SP140: variants seen among roughly 807,000 people sequenced by gnomAD.
SP140 encodes the protein SP140 nuclear body protein, also known as nuclear body protein SP140.
SP140 carries 81 observed loss-of-function variants against 125.0 expected under a neutral mutation model. That is an observed-to-expected ratio of 0.65 (90% CI 0.54 to 0.78). SP140 has a LOEUF of 0.78. Among genes scored for constraint, SP140 ranks in the 30% least tolerant of loss-of-function variants. The pLI, the probability that SP140 is intolerant of heterozygous loss-of-function variation, is 0.00. For missense variants in SP140, 858 were observed against 1,037.0 expected, an observed-to-expected ratio of 0.83 and a Z score of 2.37; for synonymous variants, 312 against 354.0, an observed-to-expected ratio of 0.88 and a Z score of 1.33.
In SP140 at chr2:230,284,856, A is replaced by G. The variant is rs184254265; in HGVS notation, c.1564+445A>G. Among the ~76,000 whole-genome samples, 280 of 152,338 alleles carry G rather than the reference A, an allele frequency of 1.8e-3. 1 individual carries two copies. Among genetic ancestry groups the G allele is most frequent in the Admixed American group, 5.2e-3 (79 of 15,296 alleles). ...CACATATGTAATTATTTATCTGTAC[A>G]TATAAAAAGACATAAATATAGAAAA... On this transcript the variant is annotated intron_variant, in intron 16 of 26. Transcript: ENST00000392045.
intron 15 of SP140, among the ~76,000 whole-genome samples, chr2:230,284,111 G>A (rs184331381): frequency 6.6e-6 from 1 of 152,206 alleles, no homozygotes; most frequent in East Asian, 1.9e-4. Context: ...TAAAAATTTT[G>A]TTCAAAGGAA....
intron 3 of SP140, among the ~76,000 whole-genome samples, chr2:230,240,380 C>T (rs62193141): frequency 0.094 from 14,277 of 152,034 alleles, 882 homozygotes; most frequent in Non-Finnish European, 0.12. Flanking sequence ...AAAAAACAAG[C>T]CATAGACTGG....
At chr2:230,209,737 T>A (rs1186025716) in intron 1 of SP140, among the ~76,000 whole-genome samples, 3 of 152,238 alleles carry the variant, frequency 2.0e-5, no homozygotes, top group Non-Finnish European at 4.4e-5. Context: ...TACCCCCAAA[T>A]GCCTTCTGGT....
At chr2:230,244,899 G>A in intron 5 of SP140, 89 bp from the exon 6 acceptor site, 1 of 883,384 alleles carries the variant, frequency 1.1e-6, no homozygotes, top group Non-Finnish European at 1.8e-6. Context: ...TTTTTTGCAA[G>A]GAGAAGCTCA....
intron 1 of SP140, chr2:230,207,940 C>G (rs779866381): frequency 1.1e-6 from 1 of 873,784 alleles, no homozygotes; most frequent in African/African-American, 1.7e-5. Flanking sequence ...ACCTACAAGC[C>G]CTGCATGAGC....
At chr2:230,262,735 G>A (rs1226135590) in intron 12 of SP140, among the ~76,000 whole-genome samples, 1 of 152,116 alleles carries the variant, frequency 6.6e-6, no homozygotes, top group East Asian at 1.9e-4. Flanking sequence ...TTCAGGAGCA[G>A]GTTATTTAAT....
intron 1 of SP140, chr2:230,213,162 A>T: frequency 1.2e-6 from 1 of 820,168 alleles, no homozygotes; most frequent in Admixed American, 2.0e-5. Flanking sequence ...CAGAGAACTG[A>T]TTCATTGTCA....
At chr2:230,189,360 T>C in the SP140 span, among the ~76,000 whole-genome samples, 1 of 152,144 alleles carries the variant, frequency 6.6e-6, no homozygotes, top group Non-Finnish European at 1.5e-5. Flanking sequence ...TGCTGTATCC[T>C]AGAAGTTTTG....
chr2:230,288,770 T>A (rs2056785215), intron 18 of SP140, among the ~76,000 whole-genome samples: 1 of 152,180 alleles, frequency 6.6e-6, no homozygotes, highest in Admixed American at 6.5e-5. Context: ...GTTTCCAGCT[T>A]CATCCATGTC....
chr2:230,244,901 A>T (rs549492890), intron 5 of SP140, 87 bp from the exon 6 acceptor site: 26 of 898,028 alleles, frequency 2.9e-5, no homozygotes, highest in Admixed American at 6.5e-5. Flanking sequence ...TTTTGCAAGG[A>T]GAAGCTCACT....
intron 9 of SP140, among the ~76,000 whole-genome samples, chr2:230,250,743 A>G (rs114589950): frequency 0.036 from 5,432 of 152,142 alleles, 123 homozygotes; most frequent in Middle Eastern, 0.075. Context: ...GGGGAGGGGG[A>G]GAAGGAGAGA....
At chr2:230,253,760 G>A (rs955862374) in intron 11 of SP140, among the ~76,000 whole-genome samples, 11 of 152,148 alleles carry the variant, frequency 7.2e-5, no homozygotes, top group Non-Finnish European at 1.0e-4. Context: ...ATTGAGGCAG[G>A]GAGATTGTTT....
At chr2:230,269,664 A>G (rs751714105) in intron 13 of SP140, 46 bp downstream of exon 13, 21 of 1,247,602 alleles carry the variant, frequency 1.7e-5, no homozygotes, top group African/African-American at 3.0e-5. Flanking sequence ...GAGTTCTGAT[A>G]AAGAGAAAAA....
intron 19 of SP140, 87 bp downstream of exon 19, chr2:230,290,651 T>G: frequency 8.7e-7 from 1 of 1,153,894 alleles, no homozygotes; most frequent in Non-Finnish European, 1.3e-6. Context: ...TACACATCAT[T>G]CAAGGAGTTT....
At chr2:230,245,141 C>T (rs1200961394) in intron 6 of SP140, 61 bp downstream of exon 6, 4 of 1,080,580 alleles carry the variant, frequency 3.7e-6, no homozygotes, top group Non-Finnish European at 5.6e-6. Flanking sequence ...TCTATGCAAC[C>T]AACACTTCCT....
rs1454077470 is a variant in SP140 at position 230,237,272 on chromosome 2, T to C, written c.237+12T>C. ...AGCAGATGTATGAAGTAAGTAAGAA[T>C]TTCCAAATGATGATAAACCAGGTCC... On this transcript the variant is annotated intron_variant, in intron 2 of 26. Coordinates refer to ENST00000392045, the MANE Select transcript of SP140 (RefSeq NM_007237.5). This position sits in a 1 kb window ranked among gnomAD's most constrained non-coding sequence, Gnocchi z 5.4. 1.9e-6 allele frequency: 3 copies of C among 1,608,292 alleles called. 1 individual carries two copies. The Admixed American group carries it at 5.1e-5, about 27-fold the overall frequency.
At position 230,244,998 on chromosome 2, in the gene SP140, A is replaced by C. The variant is rs1302030532; in HGVS notation, c.582A>C (p.Ser194=). 1.9e-6 allele frequency: 3 copies of C among 1,612,150 alleles called. No individual in the cohort carries two copies. Among genetic ancestry groups the C allele is most frequent in the Non-Finnish European group, 2.5e-6 (3 of 1,178,726 alleles). The part of the protein sequence containing the change: ...SSPRCEPGFS[S]ESCEQLALPK... ...CTTGTTTATTTCCAGGTTTCTCTTC[A>C]GAGTCTTGTGAGCAGTTAGCTCTCC... is the stretch of plus-strand genomic sequence containing the variant. Residue 194 remains serine, a synonymous_variant, in exon 6 of 27, where the codon TCA becomes TCC. Transcript: ENST00000392045.
chr2:230,313,375 T>C (rs911540741), downstream of SP140, among the ~76,000 whole-genome samples: 5 of 152,184 alleles, frequency 3.3e-5, no homozygotes, highest in African/African-American at 7.2e-5. Context: ...TGGTGGCTGC[T>C]AATTAATGCC....
At chr2:230,290,635 G>A in intron 19 of SP140, 71 bp downstream of exon 19, 2 of 1,263,646 alleles carry the variant, frequency 1.6e-6, no homozygotes, top group South Asian at 2.5e-5. Flanking sequence ...GAATTATCAT[G>A]TGAATTACAC....
Sources: gnomAD v4.1 joint callset for allele counts (sites outside exome capture counted in the v4.1 genomes callset) on GRCh38, gnomAD v4.1.1 for gene constraint, Gnocchi (gnomAD v3.1) non-coding constraint, MANE v1.5 for transcripts, NCBI Gene and HGNC (gene_info 2026-07-23, HGNC 2026-07-21) for gene names.